SHPRH: variants seen among roughly 807,000 people sequenced by gnomAD.
SHPRH encodes E3 ubiquitin-protein ligase SHPRH.
SHPRH carries 106 observed loss-of-function variants against 202.5 expected under a neutral mutation model. The ratio of observed to expected loss-of-function variants is 0.52; its 90% CI spans 0.45 to 0.62. The LOEUF (loss-of-function observed/expected upper bound fraction) is 0.62, where lower values mean the gene tolerates loss of function less well. Ranked by LOEUF, SHPRH falls within the 20% of genes least tolerant of loss-of-function variation. The pLI, the probability that SHPRH is intolerant of heterozygous loss-of-function variation, is 0.00. For synonymous variants in SHPRH, 729 were observed against 686.0 expected (o/e 1.06, Z -0.98); for missense variants, 1,710 against 2,020.0 (o/e 0.85, Z 2.94).
downstream of SHPRH, among the ~76,000 whole-genome samples, chr6:145,863,387 A>T (rs2128682943): frequency 6.6e-6 from 1 of 152,380 alleles, no homozygotes; most frequent in South Asian, 2.1e-4. Context: ...TCAGGTTTCC[A>T]AAGGAATGGA....
rs1249041482 is a variant in SHPRH, at chr6:145,945,561, C to T, written c.1398G>A (p.Lys466=). ...CGTATCTATATATAGAACTGACATA[C>T]TTATAGATGGAAAGGATGGACACTC... The part of the protein sequence containing the change: ...KKGVSILSIY[K]YVSSIYRYDV... The change falls in exon 8 of 30, where the codon AAG becomes AAA. Residue 466 remains lysine (K), a synonymous_variant. Transcript: ENST00000275233. The T allele has an allele frequency of 1.2e-6, 2 of 1,613,006 alleles. No homozygotes were observed. The highest frequency in any genetic ancestry group is 3.3e-5 in the Admixed American group (2 of 59,842).
intron 20 of SHPRH, 26 bp from the exon 21 acceptor site, chr6:145,921,418 C>A: frequency 6.3e-7 from 1 of 1,599,008 alleles, no homozygotes; most frequent in Non-Finnish European, 8.6e-7. Flanking sequence ...AACAAAACAA[C>A]AGTAACTGGT....
At chr6:145,892,535 T>C (rs1781656035) in intron 28 of SHPRH, among the ~76,000 whole-genome samples, 1 of 152,126 alleles carries the variant, frequency 6.6e-6, no homozygotes, top group Non-Finnish European at 1.5e-5. Context: ...TAAATACTGA[T>C]TTAGTAAGTG....
chr6:145,959,881 T>C lies in SHPRH; in HGVS notation c.-33+3850A>G, dbSNP rs562588496. Reference sequence around the variant, plus strand: ...CCTCTCTTATCTTAGTGGAATAATATAGAAAGCTCTTAATTTCCTAAGTGT... The same window carrying C: ...CCTCTCTTATCTTAGTGGAATAATACAGAAAGCTCTTAATTTCCTAAGTGT... On this transcript the variant is annotated intron_variant, in intron 1 of 29. Coordinates refer to ENST00000275233, the MANE Select transcript of SHPRH (RefSeq NM_001042683.3). 3.3e-5 allele frequency among the ~76,000 whole-genome samples: 5 copies of C among 152,334 alleles called. No homozygotes were observed. The East Asian group carries it at 9.6e-4, about 29-fold the overall frequency.
chr6:145,921,540 GT>G (rs11326222), intron 20 of SHPRH, 148 bp from the exon 21 acceptor site: 259,970 of 543,606 alleles, frequency 0.48, 35,293 homozygotes, highest in African/African-American at 0.65. Context: ...AATTTGGCCA[GT>G]TTTTTTTTTT....
intron 14 of SHPRH, 33 bp from the exon 15 acceptor site, chr6:145,927,310 G>C (rs763930037): frequency 5.7e-6 from 9 of 1,577,248 alleles, no homozygotes; most frequent in Non-Finnish European, 7.8e-6. Context: ...AAGCATACGA[G>C]AGTCACATAT....
chr6:145,906,721 C>G (rs1782994348), intron 25 of SHPRH: 1 of 152,036 alleles, frequency 6.6e-6, no homozygotes, highest in Non-Finnish European at 1.5e-5. Context: ...GTTTATGAAA[C>G]AGTTGGGCAT....
intron 2 of SHPRH, among the ~76,000 whole-genome samples, chr6:145,865,355 G>A (rs929589726): frequency 5.3e-5 from 8 of 152,318 alleles, no homozygotes; most frequent in African/African-American, 1.9e-4. Context: ...TGAGGACATA[G>A]AAGTAGATGA....
intron 2 of SHPRH, among the ~76,000 whole-genome samples, chr6:145,874,058 C>T (rs1223498016): frequency 6.6e-6 from 1 of 151,934 alleles, no homozygotes; most frequent in African/African-American, 2.4e-5. Flanking sequence ...ATTAGCGGCG[C>T]ATGGTGGAGC....
intron 11 of SHPRH, among the ~76,000 whole-genome samples, chr6:145,936,280 A>T (rs1786059013): frequency 6.6e-6 from 1 of 152,132 alleles, no homozygotes. Context: ...AAATATATAA[A>T]CATCTATATA....
intron 13 of SHPRH, among the ~76,000 whole-genome samples, chr6:145,934,052 T>C (rs1231936032): frequency 6.6e-6 from 1 of 152,056 alleles, no homozygotes; most frequent in Non-Finnish European, 1.5e-5. Context: ...AAAAGAAGTG[T>C]TCAAGGCCAG....
At chr6:145,924,679 C>G in intron 17 of SHPRH, 60 bp downstream of exon 17, 1 of 1,515,812 alleles carries the variant, frequency 6.6e-7, no homozygotes. Flanking sequence ...ACCAAAAAAC[C>G]AAAACTCAAA....
At chr6:145,934,804 A>T (rs1785891711) in intron 13 of SHPRH, 103 bp downstream of exon 13, 12 of 1,118,306 alleles carry the variant, frequency 1.1e-5, no homozygotes, top group Non-Finnish European at 1.5e-5. Context: ...ACCATTAAAG[A>T]TAACTGACAA....
rs17075530 is a variant in SHPRH at position 145,948,685 on chromosome 6, T to G, written c.983-335A>C. On this transcript the variant is annotated intron_variant, in intron 4 of 29. Coordinates refer to ENST00000275233, the MANE Select transcript of SHPRH (RefSeq NM_001042683.3). The stretch of plus-strand genomic sequence containing the variant: ...AACCAGCTCCTACCTGATGAATGAG[T>G]CTATTTTTAATAAATCTTGCAATAA... Among the ~76,000 whole-genome samples the G allele has an allele frequency of 4.2e-3, 635 of 152,124 alleles. 18 individuals are homozygous for G. The East Asian group carries it at 0.071, about 17-fold the overall frequency.
At chr6:145,928,609 T>C (rs971260100) in intron 14 of SHPRH, among the ~76,000 whole-genome samples, 30 of 151,972 alleles carry the variant, frequency 2.0e-4, no homozygotes, top group Admixed American at 2.6e-4. Flanking sequence ...TTTACATACA[T>C]ATCTTGATTT....
chr6:145,883,881 G>A (rs1347048140), downstream of SHPRH: 3 of 151,862 alleles, frequency 2.0e-5, no homozygotes, highest in Admixed American at 6.6e-5. Context: ...ATTTTGTTTA[G>A]CTAAATTCTA....
chr6:145,891,148 C>T (rs781665980), intron 28 of SHPRH, among the ~76,000 whole-genome samples: 4 of 152,116 alleles, frequency 2.6e-5, no homozygotes, highest in Non-Finnish European at 5.9e-5. Context: ...GCAAAAGCAC[C>T]ATCCTCACAG....
At chr6:145,921,639 A>G (rs112812765) in intron 20 of SHPRH, among the ~76,000 whole-genome samples, 1 of 151,966 alleles carries the variant, frequency 6.6e-6, no homozygotes, top group African/African-American at 2.4e-5. Flanking sequence ...CTTCCTTGAC[A>G]TGCAGAAGTG....
the SHPRH span, among the ~76,000 whole-genome samples, chr6:145,858,801 CT>C: frequency 1.3e-5 from 2 of 151,964 alleles, no homozygotes; most frequent in Non-Finnish European, 2.9e-5. Context: ...TGTCACAGAA[CT>C]ACAGAAACCT....
Sources: gnomAD v4.1 joint callset for allele counts (sites outside exome capture counted in the v4.1 genomes callset) on GRCh38, gnomAD v4.1.1 for gene constraint, MANE v1.5 for transcripts, NCBI Gene and HGNC (gene_info 2026-07-23, HGNC 2026-07-21) for gene names.